MYO16: variants seen among roughly 807,000 people sequenced by gnomAD.
The protein encoded by MYO16 is myosin XVI.
A neutral mutation model predicts 205.3 loss-of-function variants in MYO16; 94 were observed. The ratio of observed to expected loss-of-function variants is 0.46; its 90% CI spans 0.39 to 0.54. The LOEUF is 0.54. Among genes scored for constraint, MYO16 ranks in the 20% least tolerant of loss-of-function variants. The pLI, the probability that MYO16 is intolerant of heterozygous loss-of-function variation, is 0.00. For missense variants in MYO16, 2,315 were observed against 2,387.5 expected (o/e 0.97, Z 0.63); for synonymous variants, 988 against 954.0 (o/e 1.04, Z -0.66).
At chr13:108,938,964 C>T (rs1359936292) in intron 16 of MYO16, among the ~76,000 whole-genome samples, 6 of 152,206 alleles carry the variant, frequency 3.9e-5, no homozygotes, top group South Asian at 4.1e-4. Context: ...TCAGGAGAAA[C>T]TTCACCTGTA....
At chr13:108,792,674 G>C (rs896029008) in intron 5 of MYO16, among the ~76,000 whole-genome samples, 4 of 151,962 alleles carry the variant, frequency 2.6e-5, no homozygotes, top group African/African-American at 4.8e-5. Flanking sequence ...ACCACAACCA[G>C]CTAATGTTTG....
chr13:109,105,654 A>G (rs1889103521), intron 28 of MYO16, among the ~76,000 whole-genome samples: 2 of 152,224 alleles, frequency 1.3e-5, no homozygotes, highest in African/African-American at 4.8e-5. Context: ...ATAGAATACT[A>G]TATAGGGTCA....
chr13:108,741,797 T>C (rs1478185194), intron 4 of MYO16, among the ~76,000 whole-genome samples: 1 of 152,208 alleles, frequency 6.6e-6, no homozygotes, highest in African/African-American at 2.4e-5. Context: ...TGAAGCCCAG[T>C]ATACTTTAGG....
intron 17 of MYO16, among the ~76,000 whole-genome samples, chr13:108,959,698 T>C (rs767392414): frequency 2.0e-5 from 3 of 152,208 alleles, no homozygotes; most frequent in Non-Finnish European, 4.4e-5. Context: ...CTGACAGATC[T>C]GTTCGTAACA....
intron 33 of MYO16, among the ~76,000 whole-genome samples, chr13:109,179,335 G>A (rs1178553470): frequency 6.6e-6 from 1 of 151,902 alleles, no homozygotes; most frequent in East Asian, 1.9e-4. Flanking sequence ...CCTTTGGCAG[G>A]ATATGCCCTC....
At chr13:108,684,736 C>T (rs1173537825) in intron 2 of MYO16, among the ~76,000 whole-genome samples, 1 of 152,078 alleles carries the variant, frequency 6.6e-6, no homozygotes, top group East Asian at 1.9e-4. Context: ...AGTTAATAAG[C>T]GAACATGCCT....
At chr13:108,895,023 G>A (rs1050491964) in intron 14 of MYO16, among the ~76,000 whole-genome samples, 3 of 152,120 alleles carry the variant, frequency 2.0e-5, no homozygotes, top group Admixed American at 6.5e-5. Context: ...ACTTAAATAA[G>A]CATTCACTAT....
chr13:108,825,224 A>T (rs1197018915), intron 9 of MYO16, among the ~76,000 whole-genome samples: 1 of 152,096 alleles, frequency 6.6e-6, no homozygotes, highest in Non-Finnish European at 1.5e-5. Context: ...TATGACAAGA[A>T]AGCAAGGCTG....
intron 7 of MYO16, among the ~76,000 whole-genome samples, chr13:108,819,454 A>G (rs1482792472): frequency 6.6e-6 from 1 of 152,192 alleles, no homozygotes. Flanking sequence ...TGCTAAGCAT[A>G]TAGAGAAGAT....
intron 27 of MYO16, among the ~76,000 whole-genome samples, chr13:109,063,788 CT>C (rs913364426): frequency 1.6e-5 from 2 of 121,634 alleles, no homozygotes; most frequent in African/African-American, 6.0e-5. Context: ...GATACTTATG[CT>C]GATAGAAGGA....
At chr13:108,841,424 C>T (rs928950812) in intron 9 of MYO16, among the ~76,000 whole-genome samples, 6 of 152,094 alleles carry the variant, frequency 3.9e-5, no homozygotes, top group Admixed American at 1.3e-4. Context: ...CACAATGGAT[C>T]GTAGGTCAAA....
chr13:108,901,335 A>G (rs1880696875), intron 15 of MYO16, among the ~76,000 whole-genome samples: 1 of 152,154 alleles, frequency 6.6e-6, no homozygotes, highest in Admixed American at 6.6e-5. Flanking sequence ...CTCAGGGGGC[A>G]TCACAGAACC....
intron 2 of MYO16, among the ~76,000 whole-genome samples, chr13:108,693,517 T>C (rs1433439520): frequency 1.3e-5 from 2 of 152,220 alleles, no homozygotes; most frequent in Admixed American, 1.3e-4. Flanking sequence ...CTTATTTCAC[T>C]CAGCATATTT....
chr13:108,818,531 T>C (rs1566348963), intron 7 of MYO16, among the ~76,000 whole-genome samples: 1 of 150,806 alleles, frequency 6.6e-6, no homozygotes, highest in Non-Finnish European at 1.5e-5. Context: ...AAAGTCAAAG[T>C]GATTGAACTG....
rs527776649 is a variant in MYO16 at position 109,141,025 on chromosome 13, C to T, written c.4813C>T (p.Pro1605Ser). ...PPPPPPPPGP[P>S]PAPYRPCAHL... ...CCCGCCCCCGCCCCCGCCCGGGCCG[C>T]CCCCCGCGCCCTACAGGCCCTGCGC... is the stretch of plus-strand genomic sequence containing the variant. Residue 1605 changes from proline (P) to serine (S), a missense_variant, in exon 32 of 35, where the codon CCC (proline) becomes TCC (serine). This residue lies in a region of MYO16 where 1,097 missense variants were observed against 1,092.0 expected (regional missense o/e 1.00). Transcript: ENST00000457511. This position sits in a 1 kb window ranked among gnomAD's most constrained non-coding sequence, Gnocchi z 4.1. 2.3e-6 allele frequency: 3 copies of T among 1,325,894 alleles called. No homozygotes were observed. Among genetic ancestry groups the T allele is most frequent in the East Asian group, 3.1e-5 (1 of 32,444 alleles). 82.1% of individuals were successfully genotyped at this position (1,325,894 alleles called of 1,614,324 possible).
intron 21 of MYO16, among the ~76,000 whole-genome samples, chr13:109,004,649 C>CT (rs1276719746): frequency 6.6e-6 from 1 of 152,044 alleles, no homozygotes; most frequent in African/African-American, 2.4e-5. Flanking sequence ...GATTTATGCC[C>CT]TGTAGGATAA....
intron 4 of MYO16, among the ~76,000 whole-genome samples, chr13:108,777,440 G>A (rs1166652826): frequency 6.6e-6 from 1 of 152,210 alleles, no homozygotes; most frequent in Non-Finnish European, 1.5e-5. Flanking sequence ...ATCGGGGAGA[G>A]TATCTGGAAG....
chr13:108,843,497 A>G (rs1877353723), intron 9 of MYO16, among the ~76,000 whole-genome samples: 1 of 79,338 alleles, frequency 1.3e-5, no homozygotes, highest in Non-Finnish European at 2.7e-5. Flanking sequence ...TCAAACAAAT[A>G]GAAGTTTAAA....
chr13:108,933,192 G>A (rs746181379), intron 16 of MYO16, among the ~76,000 whole-genome samples: 2 of 152,156 alleles, frequency 1.3e-5, no homozygotes, highest in Non-Finnish European at 2.9e-5. Flanking sequence ...TGCATGGAGT[G>A]CATTGCTATT....
Sources: allele counts gnomAD v4.1 joint callset (sites outside exome capture counted in the v4.1 genomes callset), GRCh38; gene constraint gnomAD v4.1.1; regional missense constraint gnomAD v4.1.1; non-coding constraint Gnocchi (gnomAD v3.1); transcripts MANE v1.5; gene names NCBI Gene and HGNC (gene_info 2026-07-23, HGNC 2026-07-21).